RBFOX2: variants seen among roughly 807,000 people sequenced by gnomAD.
RBFOX2 encodes the protein RNA binding protein fox-1 homolog 2.
RBFOX2 carries 10 observed loss-of-function variants against 49.1 expected under a neutral mutation model. The observed-to-expected ratio is 0.20, with a 90% CI of 0.13 to 0.35. RBFOX2 has a LOEUF of 0.35. Ranked by LOEUF, RBFOX2 falls within the 10% of genes least tolerant of loss-of-function variation. RBFOX2 has a pLI of 1.00. For missense variants in RBFOX2, 323 were observed against 486.9 expected (o/e 0.66, Z 3.17); for synonymous variants, 183 against 187.4 (o/e 0.98, Z 0.19).
intron 1 of RBFOX2, among the ~76,000 whole-genome samples, chr22:35,930,898 G>C (rs1336268289): frequency 2.0e-5 from 3 of 152,162 alleles, no homozygotes; most frequent in South Asian, 4.1e-4. Flanking sequence ...CCAAAGAATA[G>C]TGCCAAAATT....
chr22:35,917,759 A>T (rs1348559871), intron 1 of RBFOX2, among the ~76,000 whole-genome samples: 1 of 152,196 alleles, frequency 6.6e-6, no homozygotes. Context: ...GCTCTTTCCT[A>T]TAAATTTTCA....
intron 1 of RBFOX2, chr22:35,822,680 G>GCCCT (rs1286778306): frequency 5.5e-6 from 2 of 364,902 alleles, no homozygotes; most frequent in Non-Finnish European, 1.1e-5. Context: ...AGTGCAGAAT[G>GCCCT]CCCTCCCTCT....
chr22:35,781,759 A>T lies in RBFOX2; in HGVS notation c.253-13T>A. The stretch of plus-strand genomic sequence containing the variant: ...CACCTTCTGTCTGCTAAGCAAAGAA[A>T]TAAAGAATGAAAAATATACACAATT... On this transcript the variant is annotated splice_polypyrimidine_tract_variant and intron_variant, in intron 2 of 11. Transcript: ENST00000405409. The T allele has an allele frequency of 6.2e-7, 1 of 1,613,864 alleles. No individual in the cohort carries two copies. Among genetic ancestry groups the T allele is most frequent in the Non-Finnish European group, 8.5e-7 (1 of 1,179,934 alleles).
intron 1 of RBFOX2, among the ~76,000 whole-genome samples, chr22:35,873,201 G>A (rs867544009): frequency 1.3e-5 from 2 of 151,776 alleles, no homozygotes; most frequent in South Asian, 2.1e-4. Context: ...GCATGATCTC[G>A]GCTCACTGCA....
chr22:35,976,083 G>A lies in RBFOX2; in HGVS notation c.187-37186C>T, dbSNP rs147606779. Among the ~76,000 whole-genome samples, 503 of 152,048 alleles carry A rather than the reference G, an allele frequency of 3.3e-3. 1 individual carries two copies. Among genetic ancestry groups the A allele is most frequent in the African/African-American group, 0.011 (465 of 41,450 alleles). On this transcript the variant is annotated intron_variant, in intron 1 of 13. Coordinates refer to the RBFOX2 transcript ENST00000438146. The stretch of plus-strand genomic sequence containing the variant: ...AGTCCTAACTCTGCCACTTCATGAC[G>A]CATATAATCTTCAATAAATCGCATC...
chr22:35,761,387 C>A (rs370127814), intron 7 of RBFOX2, 28 bp downstream of exon 8: 5 of 1,612,256 alleles, frequency 3.1e-6, no homozygotes, highest in Non-Finnish European at 4.2e-6. Context: ...TTAAATAGCA[C>A]AAGTGGAAAC....
intron 1 of RBFOX2, among the ~76,000 whole-genome samples, chr22:35,890,775 T>A (rs1475433145): frequency 6.6e-6 from 1 of 152,000 alleles, no homozygotes; most frequent in African/African-American, 2.4e-5. Flanking sequence ...GTAAATGTTA[T>A]CACTCAATAG....
intron 1 of RBFOX2, among the ~76,000 whole-genome samples, chr22:35,930,764 A>T (rs557608487): frequency 6.6e-6 from 1 of 152,170 alleles, no homozygotes; most frequent in South Asian, 2.1e-4. Context: ...CAGGAGGCGG[A>T]GGTTGCAGTA....
chr22:35,782,013 C>G (rs939940388), intron 2 of RBFOX2, among the ~76,000 whole-genome samples: 7 of 152,166 alleles, frequency 4.6e-5, no homozygotes, highest in Non-Finnish European at 8.8e-5. Flanking sequence ...CACGGAAGTA[C>G]TAAGTGACTT....
At chr22:35,790,579 T>C (rs759838954) in intron 2 of RBFOX2, among the ~76,000 whole-genome samples, 11 of 152,204 alleles carry the variant, frequency 7.2e-5, no homozygotes, top group African/African-American at 2.7e-4. Context: ...AATAGCACTA[T>C]ATCAGTATTC....
chr22:35,977,761 T>TATATATATATATATATATATAC (rs1259422253), intron 1 of RBFOX2, among the ~76,000 whole-genome samples: 1 of 90,936 alleles, frequency 1.1e-5, no homozygotes, highest in Non-Finnish European at 2.2e-5. Context: ...TATATATATA[T>TATATATATATATATATATATAC]ACATGCACAC....
intron 1 of RBFOX2, among the ~76,000 whole-genome samples, chr22:35,846,231 T>A (rs2041177250): frequency 6.7e-6 from 1 of 149,412 alleles, no homozygotes; most frequent in East Asian, 1.9e-4. Context: ...CTATATAAGT[T>A]AATATAATTA....
chr22:35,752,144 A>G (rs1439605793), intron 9 of RBFOX2, among the ~76,000 whole-genome samples: 1 of 152,260 alleles, frequency 6.6e-6, no homozygotes, highest in Non-Finnish European at 1.5e-5. Context: ...ATGTAGCAGC[A>G]CAGTCCAATT....
intron 1 of RBFOX2, among the ~76,000 whole-genome samples, chr22:35,957,212 T>C (rs1215339318): frequency 1.3e-5 from 2 of 152,186 alleles, no homozygotes; most frequent in Admixed American, 6.5e-5. Flanking sequence ...ACTACCTACC[T>C]CATAGGATTG....
At chr22:35,922,066 C>G (rs867267881) in intron 1 of RBFOX2, among the ~76,000 whole-genome samples, 3 of 152,224 alleles carry the variant, frequency 2.0e-5, no homozygotes, top group African/African-American at 7.2e-5. Flanking sequence ...CTCCAGCTTT[C>G]CTAAGTCCCC....
intron 4 of RBFOX2, chr22:35,777,565 G>C (rs1944248455): frequency 6.3e-6 from 1 of 158,144 alleles, no homozygotes; most frequent in Non-Finnish European, 1.4e-5. Flanking sequence ...TTTCAAAAGA[G>C]ACTGCAAGTT....
upstream of RBFOX2, chr22:35,840,615 CGT>C (rs1016385238): frequency 3.7e-6 from 4 of 1,081,482 alleles, no homozygotes; most frequent in East Asian, 6.1e-5. Context: ...TGTGCGCACG[CGT>C]GTGTGCGTGT....
intron 1 of RBFOX2, among the ~76,000 whole-genome samples, chr22:35,959,873 A>G (rs573970194): frequency 1.3e-5 from 2 of 152,352 alleles, no homozygotes; most frequent in South Asian, 2.1e-4. Context: ...TCCCTGATGT[A>G]TAATAGCACA....
chr22:35,965,472 A>C (rs542845991), upstream of RBFOX2, among the ~76,000 whole-genome samples: 1 of 152,272 alleles, frequency 6.6e-6, no homozygotes, highest in East Asian at 1.9e-4. Context: ...AATGGCCAAA[A>C]TGAGGTACAT....
Sources: gnomAD v4.1 joint callset for allele counts (sites outside exome capture counted in the v4.1 genomes callset) on GRCh38, gnomAD v4.1.1 for gene constraint, MANE v1.5 for transcripts, NCBI Gene and HGNC (gene_info 2026-07-23, HGNC 2026-07-21) for gene names.